The following CFAP299 variants were observed in gnomAD, a reference collection of about 807,000 sequenced individuals.
The protein encoded by CFAP299 is cilia- and flagella-associated protein 299.
CFAP299 carries 21 observed loss-of-function variants against 27.0 expected under a neutral mutation model. The observed-to-expected ratio is 0.78, with a 90% confidence interval of 0.55 to 1.12. The LOEUF (loss-of-function observed/expected upper bound fraction) is 1.12. Ranked by LOEUF, CFAP299 falls within the 50% of genes most tolerant of loss-of-function variation. The pLI, the probability that CFAP299 is intolerant of heterozygous loss-of-function variation, is 0.00. For missense variants in CFAP299, 310 were observed against 276.6 expected (o/e 1.12, Z -0.86); for synonymous variants, 104 against 98.1 (o/e 1.06, Z -0.36).
At chr4:80,959,583 A>G (rs1030442201) in intron 5 of CFAP299, among the ~76,000 whole-genome samples, 1 of 152,078 alleles carries the variant, frequency 6.6e-6, no homozygotes, top group African/African-American at 2.4e-5. Context: ...CATTATGCCT[A>G]TTCAATTTAA....
At chr4:80,330,623 C>G in the CFAP299 span, among the ~76,000 whole-genome samples, 13 of 152,296 alleles carry the variant, frequency 8.5e-5, no homozygotes, top group Non-Finnish European at 1.9e-4. Flanking sequence ...TTCATGACAA[C>G]TTCCAGTTGG....
intron 4 of CFAP299, among the ~76,000 whole-genome samples, chr4:80,931,731 C>A (rs1366462853): frequency 6.6e-6 from 1 of 151,942 alleles, no homozygotes; most frequent in Non-Finnish European, 1.5e-5. Flanking sequence ...CACACACACA[C>A]ACACACACGC....
chr4:80,393,969 C>T (rs1225470885), intron 2 of CFAP299, among the ~76,000 whole-genome samples: 1 of 152,094 alleles, frequency 6.6e-6, no homozygotes, highest in African/African-American at 2.4e-5. Flanking sequence ...GGGCGGCTTC[C>T]CCCATTCTGT....
intron 2 of CFAP299, among the ~76,000 whole-genome samples, chr4:80,385,869 C>T (rs1441219030): frequency 1.3e-5 from 2 of 152,346 alleles, no homozygotes; most frequent in South Asian, 2.1e-4. Flanking sequence ...TCCCAGGGGA[C>T]GCAACTACCA....
rs369731797 is a variant in CFAP299 at position 80,596,954 on chromosome 4, C to A, written c.333+13771C>A. On this transcript the variant is annotated intron_variant, in intron 3 of 5. Coordinates refer to ENST00000358105, the MANE Select transcript of CFAP299 (RefSeq NM_152770.3). ...CTGTGGTTTTCCATTTTATGATACACAATTATTTTTGTTTTACTTTTTATG... is the reference window on the plus strand; with the variant it reads ...CTGTGGTTTTCCATTTTATGATACAAAATTATTTTTGTTTTACTTTTTATG... 8.1e-4 allele frequency among the ~76,000 whole-genome samples: 124 copies of A among 152,168 alleles called. 3 individuals are homozygous for A. In the South Asian group the frequency reaches 0.025, roughly 30 times the overall value.
At chr4:80,482,290 GA>G (rs1730602709) in intron 2 of CFAP299, among the ~76,000 whole-genome samples, 1 of 151,828 alleles carries the variant, frequency 6.6e-6, no homozygotes, top group Non-Finnish European at 1.5e-5. Context: ...TAGAGGATGT[GA>G]AAAATTCAGA....
At chr4:80,626,050 T>G (rs1738879866) in intron 3 of CFAP299, among the ~76,000 whole-genome samples, 2 of 152,064 alleles carry the variant, frequency 1.3e-5, no homozygotes, top group East Asian at 3.9e-4. Context: ...AACAAATATA[T>G]GCCCAACATT....
chr4:80,613,962 G>A (rs1347674453), intron 3 of CFAP299, among the ~76,000 whole-genome samples: 1 of 152,108 alleles, frequency 6.6e-6, no homozygotes, highest in Non-Finnish European at 1.5e-5. Flanking sequence ...AGGCAGGCAG[G>A]CACATGTTTG....
chr4:80,328,600 T>G, the CFAP299 span, among the ~76,000 whole-genome samples: 2 of 151,966 alleles, frequency 1.3e-5, no homozygotes. Flanking sequence ...TAAAATAGAC[T>G]TAAAAAAAAG....
chr4:80,612,829 GTGGCC>G (rs1156637609), intron 3 of CFAP299, among the ~76,000 whole-genome samples: 2 of 152,024 alleles, frequency 1.3e-5, no homozygotes, highest in Non-Finnish European at 2.9e-5. Context: ...CCCTAATATT[GTGGCC>G]TTGGGCACTC....
chr4:80,681,627 T>C (rs1197991418), intron 3 of CFAP299, among the ~76,000 whole-genome samples: 1 of 151,928 alleles, frequency 6.6e-6, no homozygotes, highest in Non-Finnish European at 1.5e-5. Context: ...ATTTCTAAAG[T>C]GTTAAAAGAA....
intron 3 of CFAP299, among the ~76,000 whole-genome samples, chr4:80,828,567 G>A (rs1427025597): frequency 5.3e-5 from 8 of 151,900 alleles, no homozygotes; most frequent in Non-Finnish European, 1.2e-4. Context: ...ATGATAGTGA[G>A]TTCTCATGAC....
intron 3 of CFAP299, among the ~76,000 whole-genome samples, chr4:80,779,827 T>G (rs996581686): frequency 6.6e-6 from 1 of 152,040 alleles, no homozygotes; most frequent in Non-Finnish European, 1.5e-5. Flanking sequence ...CTCACTTATT[T>G]GTACATAAAA....
the CFAP299 span, among the ~76,000 whole-genome samples, chr4:80,323,985 T>G: frequency 2.0e-5 from 3 of 152,210 alleles, no homozygotes; most frequent in Admixed American, 6.5e-5. Flanking sequence ...TTTTTAAATT[T>G]TACTTTAAGT....
chr4:80,912,937 GAAGA>G (rs1303863648), intron 4 of CFAP299, among the ~76,000 whole-genome samples: 1 of 152,130 alleles, frequency 6.6e-6, no homozygotes, highest in Non-Finnish European at 1.5e-5. Context: ...ACTCTAAAGA[GAAGA>G]AAGAGGGACC....
intron 3 of CFAP299, among the ~76,000 whole-genome samples, chr4:80,673,823 C>T (rs1489402440): frequency 3.4e-5 from 5 of 147,424 alleles, no homozygotes; most frequent in Non-Finnish European, 7.4e-5. Flanking sequence ...TTATCAGAGA[C>T]TAGGATTGCA....
rs191004811 is a variant in CFAP299, at chr4:80,952,692, G to A, written c.606+7753G>A. ...ATAAATTCAACTAATAAAATCACCC[G>A]TTTTTGTTTTTGCATTTTTTTTTTA... On this transcript the variant is annotated intron_variant, in intron 5 of 5. Coordinates refer to ENST00000358105, the MANE Select transcript of CFAP299 (RefSeq NM_152770.3). 3.7e-3 allele frequency among the ~76,000 whole-genome samples: 557 copies of A among 151,938 alleles called. 1 individual carries two copies. Among genetic ancestry groups the A allele is most frequent in the Middle Eastern group, 0.014 (4 of 294 alleles).
chr4:80,327,640 A>G, the CFAP299 span, among the ~76,000 whole-genome samples: 1 of 148,506 alleles, frequency 6.7e-6, no homozygotes, highest in African/African-American at 2.5e-5. Flanking sequence ...ATTAGTAAAA[A>G]TGGAAAGCAG....
At chr4:80,916,291 A>ATATATATG (rs1317592155) in intron 4 of CFAP299, among the ~76,000 whole-genome samples, 1 of 122,802 alleles carries the variant, frequency 8.1e-6, no homozygotes, top group Non-Finnish European at 1.7e-5. Flanking sequence ...ATATATATAT[A>ATATATATG]TATATTTCAG....
Sources: gnomAD v4.1 joint callset for allele counts (sites outside exome capture counted in the v4.1 genomes callset) on GRCh38, gnomAD v4.1.1 for gene constraint, MANE v1.5 for transcripts, NCBI Gene and HGNC (gene_info 2026-07-23, HGNC 2026-07-21) for gene names.